The following USP8 variants were observed in gnomAD, a reference collection of about 807,000 sequenced individuals.
USP8 encodes the protein ubiquitin carboxyl-terminal hydrolase 8.
A neutral mutation model predicts 130.0 loss-of-function variants in USP8; 27 were observed. The ratio of observed to expected loss-of-function variants is 0.21; its 90% confidence interval spans 0.15 to 0.29. USP8 has a LOEUF of 0.29. Ranked by LOEUF, USP8 falls within the 10% of genes least tolerant of loss-of-function variation. The pLI, the probability that USP8 is intolerant of heterozygous loss-of-function variation, is 1.00. For missense variants in USP8, 1,029 were observed against 1,312.2 expected, an observed-to-expected ratio of 0.78 and a Z score of 3.33; for synonymous variants, 392 against 444.1, an observed-to-expected ratio of 0.88 and a Z score of 1.48.
At chr15:50,424,548 TC>T in intron 1 of USP8, 34 bp downstream of exon 1, 2 of 398,632 alleles carry the variant, frequency 5.0e-6, no homozygotes, top group Non-Finnish European at 8.8e-6. Context: ...GCACCTGTTC[TC>T]TGGGAAGTCG....
At position 50,499,340 on chromosome 15, in the gene USP8, TTAAC is replaced by T. The variant is rs1287545584; in HGVS notation, c.*255_*258del. 1 of 318,326 alleles carries T rather than the reference TTAAC, an allele frequency of 3.1e-6. No homozygotes were observed. The highest frequency in any genetic ancestry group is 5.7e-6 in the Non-Finnish European group (1 of 175,800). The allele number at this position is 318,326 out of a possible 1,614,324, so 19.7% of individuals were successfully genotyped here. On this transcript the variant is annotated 3_prime_UTR_variant, in exon 20 of 20. Transcript: ENST00000307179. ...TTAGTCTGCTCCAAAGTTAAAATAA[TTAAC>T]TAGCTAAGCATTATTATTCGACTGG...
intron 10 of USP8, among the ~76,000 whole-genome samples, chr15:50,478,720 C>T (rs12595633): frequency 0.13 from 20,095 of 152,134 alleles, 1,671 homozygotes; most frequent in East Asian, 0.28. Context: ...TTATGAGATA[C>T]GTACAATTTT....
At position 50,490,259 on chromosome 15, in the gene USP8, TAA is replaced by T; in HGVS notation, c.1972-3_1972-2del. ...CCTGTTTTTTTTTTTCTTTTCCATC[TAA>T]GTTTCTTGACCCAATCACTGGAACC... On this transcript the variant is annotated splice_acceptor_variant and splice_polypyrimidine_tract_variant and intron_variant, in intron 13 of 19. Coordinates refer to ENST00000307179, the MANE Select transcript of USP8 (RefSeq NM_005154.5). LOFTEE classifies it high-confidence loss of function. 6.3e-7 allele frequency: 1 copy of T among 1,586,958 alleles called. No individual in the cohort carries two copies. The highest frequency in any genetic ancestry group is 8.5e-7 in the Non-Finnish European group (1 of 1,170,778).
At chr15:50,442,937 G>A (rs1316480752) in intron 3 of USP8, among the ~76,000 whole-genome samples, 1 of 152,140 alleles carries the variant, frequency 6.6e-6, no homozygotes, top group African/African-American at 2.4e-5. Context: ...AATTAATAAT[G>A]AGATTTTATT....
In USP8 at chr15:50,471,800, G is replaced by A; in HGVS notation, c.849+5G>A. On this transcript the variant is annotated splice_donor_5th_base_variant and intron_variant, in intron 8 of 19. Transcript: ENST00000307179. ...CTGAAAGATGCACTTTTCAAGGTTT[G>A]CAAGTTTCATTGTTAGTTTATTGTA... The A allele has an allele frequency of 5.0e-6, 8 of 1,613,124 alleles. No individual in the cohort carries two copies. The highest frequency in any genetic ancestry group is 2.2e-5 in the South Asian group (2 of 90,832).
At chr15:50,492,211 ACT>A (rs1187871039) in intron 14 of USP8, among the ~76,000 whole-genome samples, 1 of 151,924 alleles carries the variant, frequency 6.6e-6, no homozygotes, top group African/African-American at 2.4e-5. Context: ...TAGTCAACAC[ACT>A]CTAGAATTTA....
chr15:50,476,110 C>A (rs1049783754), intron 8 of USP8, among the ~76,000 whole-genome samples: 1 of 152,112 alleles, frequency 6.6e-6, no homozygotes, highest in African/African-American at 2.4e-5. Flanking sequence ...AATGTTCAAA[C>A]GATTGACTCA....
chr15:50,428,269 G>A (rs1053204140), intron 1 of USP8, among the ~76,000 whole-genome samples: 10 of 151,974 alleles, frequency 6.6e-5, no homozygotes, highest in African/African-American at 1.7e-4. Context: ...GGCATATGCC[G>A]CCACGCCCAG....
At chr15:50,479,112 C>T (rs1423335582) in intron 10 of USP8, among the ~76,000 whole-genome samples, 2 of 152,028 alleles carry the variant, frequency 1.3e-5, no homozygotes, top group African/African-American at 4.8e-5. Flanking sequence ...GAGATGGGTT[C>T]TTCTGATGTT....
intron 8 of USP8, among the ~76,000 whole-genome samples, chr15:50,475,719 C>T (rs2051546035): frequency 6.6e-6 from 1 of 152,128 alleles, no homozygotes; most frequent in Non-Finnish European, 1.5e-5. Context: ...TCTCTTGCCT[C>T]AGCCTCCCAA....
rs752630054 is a variant in USP8, at chr15:50,482,025, T to C, written c.1763T>C (p.Val588Ala). The C allele has an allele frequency of 1.3e-6, 2 of 1,554,218 alleles. No individual in the cohort carries two copies. The highest frequency in any genetic ancestry group is 4.7e-5 in the East Asian group (2 of 42,914). The part of the protein sequence containing the change: ...PEIQKKSTGD[V>A]PHTSVTGDSG... Reference sequence around the variant, plus strand: ...ATACAGAAAAAGTCAACAGGAGATGTGCCCCATACATCTGTGACAGGGGAT... The same window carrying C: ...ATACAGAAAAAGTCAACAGGAGATGCGCCCCATACATCTGTGACAGGGGAT... The change falls in exon 11 of 20, where the codon GTG (valine) becomes GCG (alanine). Residue 588 changes from valine (V) to alanine (A), a missense_variant. Val to Ala is a moderately conservative substitution (Grantham distance 64). Around this residue, in one of 4 missense-constraint regions of USP8, gnomAD observed 486 missense variants for 522.0 expected, o/e 0.93. Coordinates refer to ENST00000307179, the MANE Select transcript of USP8 (RefSeq NM_005154.5).
rs752217639 is a variant in USP8 at position 50,481,899 on chromosome 15, A to G, written c.1637A>G (p.Lys546Arg). 2.1e-5 allele frequency: 33 copies of G among 1,592,860 alleles called. No individual in the cohort carries two copies. Among genetic ancestry groups the G allele is most frequent in the Non-Finnish European group, 2.6e-5 (31 of 1,172,100 alleles). Reference protein sequence around the residue: ...EDKETSAKRGKEITGVKRQSK... With the variant: ...EDKETSAKRGREITGVKRQSK... ...AAAGAAACCTCAGCAAAGAGGGGCA[A>G]AGAAATAACAGGAGTAAAAAGACAA... Residue 546 changes from lysine to arginine, a missense_variant, in exon 11 of 20, where the codon AAA (lysine) becomes AGA (arginine). By Grantham distance (26) the Lys-to-Arg change is conservative (BLOSUM62 2). Coordinates refer to ENST00000307179, the MANE Select transcript of USP8 (RefSeq NM_005154.5).
intron 4 of USP8, among the ~76,000 whole-genome samples, chr15:50,452,504 T>C (rs1016745917): frequency 1.3e-5 from 2 of 152,112 alleles, no homozygotes; most frequent in African/African-American, 4.8e-5. Context: ...AAAAAGAGAA[T>C]CTTAAAGTTT....
At chr15:50,438,843 C>A (rs2050161996) in intron 1 of USP8, among the ~76,000 whole-genome samples, 166 bp from the exon 2 acceptor site, 1 of 152,102 alleles carries the variant, frequency 6.6e-6, no homozygotes, top group Non-Finnish European at 1.5e-5. Context: ...TTATTACATT[C>A]TTCACTCATA....
chr15:50,447,430 G>A (rs2050477874), intron 3 of USP8, among the ~76,000 whole-genome samples: 1 of 151,780 alleles, frequency 6.6e-6, no homozygotes, highest in Admixed American at 6.6e-5. Context: ...TAGTAGAAAC[G>A]GGGGTTTGCC....
chr15:50,462,268 C>A lies in USP8; in HGVS notation c.499-12C>A, dbSNP rs753481179. The A allele has an allele frequency of 5.7e-6, 9 of 1,571,616 alleles. No individual in the cohort carries two copies. In the South Asian group the frequency reaches 9.6e-5, roughly 17 times the overall value. ...ATGAAAGTTGAAACTTTTTTTTTTTCCTATGCAATAGAGCAATGGTGAAAA... is the reference window on the plus strand; with the variant it reads ...ATGAAAGTTGAAACTTTTTTTTTTTACTATGCAATAGAGCAATGGTGAAAA... On this transcript the variant is annotated splice_polypyrimidine_tract_variant and intron_variant, in intron 5 of 19. Coordinates refer to ENST00000307179, the MANE Select transcript of USP8 (RefSeq NM_005154.5).
Position 50,499,197 on chromosome 15 carries a change from G to C in USP8, c.*109G>C. 2 of 1,100,436 alleles carry C rather than the reference G, an allele frequency of 1.8e-6. No individual in the cohort carries two copies. The highest frequency in any genetic ancestry group is 1.8e-5 in the South Asian group (1 of 55,710). The allele number at this position is 1,100,436 out of a possible 1,614,324, so 68.2% of individuals were successfully genotyped here. A position where few individuals can be genotyped will look rare whatever the true frequency, so the allele number is the denominator to read the frequency against. On this transcript the variant is annotated 3_prime_UTR_variant, in exon 20 of 20. Transcript: ENST00000307179. ...TAGCTGGCCATTTAGAGGAATTCTA[G>C]GACAGTGGGAGCTGTGTTACTAGCA...
Position 50,490,419 on chromosome 15 carries a change from C to G in USP8, c.2128C>G (p.Pro710Ala), listed in dbSNP as rs1313998618. The change falls in exon 14 of 20, where the codon CCT becomes GCT. Residue 710 changes from proline (P) to alanine (A), a missense_variant. Transcript: ENST00000307179. ...PQIPAERDREPSKLKRSYSSP... is the reference protein window; with the variant it reads ...PQIPAERDREASKLKRSYSSP... The stretch of plus-strand genomic sequence containing the variant: ...GATTCCTGCTGAGCGGGATAGGGAA[C>G]CTTCCAAACTGAAGCGCTCCTACTC... 6.2e-7 allele frequency: 1 copy of G among 1,614,012 alleles called. No homozygotes were observed. The highest frequency in any genetic ancestry group is 1.3e-5 in the African/African-American group (1 of 74,906).
At chr15:50,486,908 G>A (rs2051981721) in intron 12 of USP8, among the ~76,000 whole-genome samples, 1 of 152,082 alleles carries the variant, frequency 6.6e-6, no homozygotes, top group African/African-American at 2.4e-5. Flanking sequence ...TGAAGTGGGA[G>A]GATCATTTGA....
Sources: gnomAD v4.1 joint callset for allele counts (sites outside exome capture counted in the v4.1 genomes callset) on GRCh38, gnomAD v4.1.1 for gene constraint, gnomAD v4.1.1 regional missense constraint, MANE v1.5 for transcripts, NCBI Gene and HGNC (gene_info 2026-07-23, HGNC 2026-07-21) for gene names.